Variants in ABLIM2 observed in about 807,000 individuals in gnomAD.
The protein encoded by ABLIM2 is actin-binding LIM protein 2.
In ABLIM2, 53 loss-of-function variants were observed where a neutral mutation model predicts 97.7. That is an observed-to-expected ratio of 0.54 (90% CI 0.44 to 0.68). The LOEUF (loss-of-function observed/expected upper bound fraction) is 0.68. Ranked by LOEUF, ABLIM2 falls within the 30% of genes least tolerant of loss-of-function variation. The pLI is 0.00. For missense variants in ABLIM2, 835 were observed against 867.2 expected (o/e 0.96, Z 0.47); for synonymous variants, 361 against 345.8 (o/e 1.04, Z -0.49).
At chr4:8,047,481 C>A (rs1793328166) in intron 8 of ABLIM2, among the ~76,000 whole-genome samples, 1 of 152,144 alleles carries the variant, frequency 6.6e-6, no homozygotes, top group African/African-American at 2.4e-5. Flanking sequence ...TGGGCATCAA[C>A]TCTGGGGTCT....
intron 20 of ABLIM2, among the ~76,000 whole-genome samples, chr4:7,980,938 C>CTTTTTTTTTTTTTTTTTTTT (rs1255215577): frequency 3.1e-4 from 12 of 38,466 alleles, no homozygotes; most frequent in East Asian, 6.9e-4. Context: ...TCCACAACCC[C>CTTTTTTTTTTTTTTTTTTTT]TTATTTTTTT....
intron 20 of ABLIM2, among the ~76,000 whole-genome samples, chr4:7,982,109 CTGCCCCTCAGCTGCATCCA>C (rs1346033329): frequency 1.5e-5 from 2 of 131,536 alleles, no homozygotes; most frequent in African/African-American, 5.5e-5. Context: ...GACTGAGCCA[CTGCCCCTCAGCTGCATCCA>C]CGCCCCTCCA....
intron 16 of ABLIM2, among the ~76,000 whole-genome samples, chr4:7,997,769 T>G (rs1219564147): frequency 2.0e-5 from 3 of 152,232 alleles, no homozygotes; most frequent in Non-Finnish European, 4.4e-5. Context: ...GTTTCTAAAC[T>G]ATTTGTAATT....
chr4:8,119,290 G>T (rs897078415), intron 1 of ABLIM2, among the ~76,000 whole-genome samples: 4 of 151,270 alleles, frequency 2.6e-5, no homozygotes, highest in Non-Finnish European at 5.9e-5. Flanking sequence ...TGGAGAGGGC[G>T]TGTAGTCTTG....
At position 8,068,021 on chromosome 4, in the gene ABLIM2, A is replaced by C. The variant is rs1809157233; in HGVS notation, c.676-6967T>G. ...ATGGGCTGATGGAGTCAAAAATTAG[A>C]AGTGTCCTCATTCCCTGTGTCACCT... is the stretch of plus-strand genomic sequence containing the variant. On this transcript the variant is annotated intron_variant, in intron 6 of 20. Transcript: ENST00000447017. This position sits in a 1 kb window ranked among gnomAD's most constrained non-coding sequence, Gnocchi z 4.5. Among the ~76,000 whole-genome samples the C allele has an allele frequency of 1.3e-5, 2 of 152,064 alleles. No homozygotes were observed. Among genetic ancestry groups the C allele is most frequent in the South Asian group, 4.1e-4 (2 of 4,822 alleles).
intron 2 of ABLIM2, among the ~76,000 whole-genome samples, 180 bp downstream of exon 2, chr4:8,106,314 C>T (rs1837373332): frequency 6.6e-6 from 1 of 152,218 alleles, no homozygotes. Context: ...TTCTCCATCA[C>T]ATCCACAAGT....
rs759794726 is a variant in ABLIM2 at position 8,023,766 on chromosome 4, GTT to G, written c.1268-3465_1268-3464del. On this transcript the variant is annotated intron_variant, in intron 12 of 20. Transcript: ENST00000447017. The surrounding 1 kb of genome is among the most constrained non-coding windows in gnomAD (Gnocchi z 5.7). ...GATCTCGCTTTCTCTCCATTTATTT[GTT>G]TACTCAACATTTATGTAGATCCTTG... Among the ~76,000 whole-genome samples the G allele has an allele frequency of 3.0e-4, 46 of 151,106 alleles. No individual in the cohort carries two copies. The highest frequency in any genetic ancestry group is 5.3e-4 in the Non-Finnish European group (36 of 67,658).
At chr4:8,084,966 C>T (rs1822391667) in intron 4 of ABLIM2, among the ~76,000 whole-genome samples, 2 of 152,198 alleles carry the variant, frequency 1.3e-5, no homozygotes, top group African/African-American at 2.4e-5. Flanking sequence ...TGGGTCAGCA[C>T]TGGAGAGCTG....
Position 8,106,145 on chromosome 4 carries a change from G to A in ABLIM2, c.154+349C>T, listed in dbSNP as rs577624102. On this transcript the variant is annotated intron_variant, in intron 2 of 20. Transcript: ENST00000447017. ...GTGTCCCCCACTACTGAGTTCATGCGGCTGACCATGACCGTTTATTTACCT... is the reference window on the plus strand; with the variant it reads ...GTGTCCCCCACTACTGAGTTCATGCAGCTGACCATGACCGTTTATTTACCT... Among the ~76,000 whole-genome samples, 13 of 152,302 alleles carry A rather than the reference G, an allele frequency of 8.5e-5. No individual in the cohort carries two copies. In the East Asian group the frequency reaches 1.2e-3, roughly 14 times the overall value.
chr4:8,012,743 TATCCATCCATCC>T (rs149803675), intron 14 of ABLIM2, among the ~76,000 whole-genome samples: 1 of 149,578 alleles, frequency 6.7e-6, no homozygotes, highest in Non-Finnish European at 1.5e-5. Context: ...CCTACTCATC[TATCCATCCATCC>T]ATCCATCCAC....
At chr4:8,084,190 G>A (rs567430323) in intron 4 of ABLIM2, among the ~76,000 whole-genome samples, 42 of 152,316 alleles carry the variant, frequency 2.8e-4, no homozygotes, top group African/African-American at 3.8e-4. Context: ...AAGAAAAGCC[G>A]CTGGAAAAGA....
chr4:7,991,540 G>A (rs1178572004), intron 17 of ABLIM2, among the ~76,000 whole-genome samples: 1 of 152,136 alleles, frequency 6.6e-6, no homozygotes, highest in Non-Finnish European at 1.5e-5. Context: ...ACGTCTTTTG[G>A]TGTCGTAGGA....
intron 1 of ABLIM2, among the ~76,000 whole-genome samples, chr4:8,139,729 G>C (rs1019631168): frequency 6.6e-6 from 1 of 152,160 alleles, no homozygotes; most frequent in Non-Finnish European, 1.5e-5. Flanking sequence ...AATACCATTT[G>C]AACCGGCAAT....
chr4:8,107,222 G>T (rs1317402989), intron 1 of ABLIM2, among the ~76,000 whole-genome samples: 1 of 152,278 alleles, frequency 6.6e-6, no homozygotes, highest in Non-Finnish European at 1.5e-5. Context: ...GGACATTTAA[G>T]GAGTGGATGG....
chr4:8,095,261 G>A lies in ABLIM2; in HGVS notation c.338+1838C>T, dbSNP rs190765282. Among the ~76,000 whole-genome samples, 824 of 152,062 alleles carry A rather than the reference G, an allele frequency of 5.4e-3. 8 individuals carry two copies. Among genetic ancestry groups the A allele is most frequent in the Middle Eastern group, 0.017 (5 of 292 alleles). On this transcript the variant is annotated intron_variant, in intron 3 of 20. Coordinates refer to ENST00000447017, the MANE Select transcript of ABLIM2 (RefSeq NM_001130083.2). The surrounding 1 kb of genome is among the most constrained non-coding windows in gnomAD (Gnocchi z 4.7). ...TGGGACTACAGGCATGCACCACCAT[G>A]CCAGACTAATTTTTAAATTTTTTGT...
At chr4:7,982,772 C>T (rs1433373752) in intron 20 of ABLIM2, among the ~76,000 whole-genome samples, 8 of 152,144 alleles carry the variant, frequency 5.3e-5, no homozygotes, top group South Asian at 2.1e-4. Flanking sequence ...GGCGCCATCT[C>T]GGCTCACTGC....
At position 8,033,814 on chromosome 4, in the gene ABLIM2, T is replaced by C. The variant is rs1454718424; in HGVS notation, c.1047+2335A>G. Among the ~76,000 whole-genome samples the C allele has an allele frequency of 6.6e-6, 1 of 152,216 alleles. No homozygotes were observed. The highest frequency in any genetic ancestry group is 1.5e-5 in the Non-Finnish European group (1 of 68,032). On this transcript the variant is annotated intron_variant, in intron 10 of 20. Transcript: ENST00000447017. The surrounding 1 kb of genome is among the most constrained non-coding windows in gnomAD (Gnocchi z 4.5). Reference sequence around the variant, plus strand: ...CAGTGACAACAGCTAAGGGCCCGTGTCCACTTGGGCCTGGAAGCTGTGTCC... The same window carrying C: ...CAGTGACAACAGCTAAGGGCCCGTGCCCACTTGGGCCTGGAAGCTGTGTCC...
At chr4:8,145,068 T>G (rs1466080633) in intron 1 of ABLIM2, among the ~76,000 whole-genome samples, 1 of 152,146 alleles carries the variant, frequency 6.6e-6, no homozygotes, top group Admixed American at 6.5e-5. Flanking sequence ...CCAAGCACCC[T>G]CATCTGCCAA....
Position 8,150,523 on chromosome 4 carries a change from AT to A in ABLIM2, c.10+8156del, listed in dbSNP as rs1712296361. The stretch of plus-strand genomic sequence containing the variant: ...TTCTTGGTGCGCTGGCTGGACTCAC[AT>A]TTCCAGATCGTCTCTCTAACTCGTC... On this transcript the variant is annotated intron_variant, in intron 1 of 20. Transcript: ENST00000447017. This position sits in a 1 kb window ranked among gnomAD's most constrained non-coding sequence, Gnocchi z 6.3. Among the ~76,000 whole-genome samples the A allele has an allele frequency of 5.3e-5, 8 of 152,312 alleles. 1 individual carries two copies. Among genetic ancestry groups the A allele is most frequent in the African/African-American group, 1.9e-4 (8 of 41,572 alleles).
Sources: gnomAD v4.1 joint callset for allele counts (sites outside exome capture counted in the v4.1 genomes callset) on GRCh38, gnomAD v4.1.1 for gene constraint, Gnocchi (gnomAD v3.1) non-coding constraint, MANE v1.5 for transcripts, NCBI Gene and HGNC (gene_info 2026-07-23, HGNC 2026-07-21) for gene names.